The following ACTR3C variants were observed in gnomAD, a reference collection of about 807,000 sequenced individuals.
ACTR3C encodes the protein actin-related protein 3C.
Under a neutral mutation model 26.3 loss-of-function variants are expected in ACTR3C, and 18 were observed. The ratio of observed to expected loss-of-function variants is 0.68; its 90% CI spans 0.47 to 1.01. The LOEUF is 1.01. Among genes scored for constraint, ACTR3C ranks in the 50% least tolerant of loss-of-function variants. The pLI, the probability that ACTR3C is intolerant of heterozygous loss-of-function variation, is 0.00. For missense variants in ACTR3C, 184 were observed against 250.7 expected, an observed-to-expected ratio of 0.73 and a Z score of 1.80; for synonymous variants, 55 against 94.5, an observed-to-expected ratio of 0.58 and a Z score of 2.42.
chr7:150,071,239 T>A, the ACTR3C span, among the ~76,000 whole-genome samples: 1 of 151,938 alleles, frequency 6.6e-6, no homozygotes, highest in Non-Finnish European at 1.5e-5. Flanking sequence ...TTCTCCTGCC[T>A]CAGCCTCCCA....
chr7:149,956,657 A>G, the ACTR3C span, among the ~76,000 whole-genome samples: 1 of 151,950 alleles, frequency 6.6e-6, no homozygotes, highest in Non-Finnish European at 1.5e-5. Flanking sequence ...TTAATCAGAT[A>G]TGGCCCTTTT....
the ACTR3C span, among the ~76,000 whole-genome samples, chr7:150,082,920 T>C: frequency 6.7e-6 from 1 of 149,190 alleles, no homozygotes; most frequent in South Asian, 2.1e-4. Flanking sequence ...TCTAATTCTT[T>C]CTTTCTTTTT....
chr7:150,322,619 C>A (rs930799381), intron 1 of ACTR3C: 3 of 152,256 alleles, frequency 2.0e-5, no homozygotes, highest in Non-Finnish European at 2.9e-5. Context: ...AATAATTCAA[C>A]CCTTGTTTAG....
At chr7:149,940,003 C>T in the ACTR3C span, among the ~76,000 whole-genome samples, 30 of 112,244 alleles carry the variant, frequency 2.7e-4, 1 homozygote, top group Non-Finnish European at 3.8e-4. Context: ...ATACACACCT[C>T]CCCACCCACC....
chr7:150,190,856 C>T, the ACTR3C span, among the ~76,000 whole-genome samples: 202 of 152,238 alleles, frequency 1.3e-3, no homozygotes, highest in African/African-American at 4.7e-3. Context: ...GAAGCAAACA[C>T]GTCCTTCTTC....
the ACTR3C span, among the ~76,000 whole-genome samples, chr7:150,155,045 G>C: frequency 6.6e-6 from 1 of 152,328 alleles, no homozygotes; most frequent in East Asian, 1.9e-4. Context: ...AAATGCATGA[G>C]AGAGGGTCAG....
At chr7:150,132,791 G>A in the ACTR3C span, among the ~76,000 whole-genome samples, 14 of 152,130 alleles carry the variant, frequency 9.2e-5, no homozygotes, top group Admixed American at 2.0e-4. Flanking sequence ...CAAAAGATAC[G>A]TGTATGCATA....
At chr7:150,044,773 C>T in the ACTR3C span, 1 of 152,198 alleles carries the variant, frequency 6.6e-6, no homozygotes, top group Non-Finnish European at 1.5e-5. Context: ...AGGTACAAAG[C>T]CCTAAGGATT....
chr7:149,999,145 A>C, the ACTR3C span, among the ~76,000 whole-genome samples: 3 of 150,916 alleles, frequency 2.0e-5, no homozygotes, highest in Admixed American at 6.7e-5. Flanking sequence ...CCCTGTGGGT[A>C]ACAAATGTGC....
At chr7:149,995,901 G>A in the ACTR3C span, among the ~76,000 whole-genome samples, 3 of 152,244 alleles carry the variant, frequency 2.0e-5, no homozygotes, top group Non-Finnish European at 4.4e-5. Flanking sequence ...GAGGTGGTTC[G>A]AGGCCTGTCT....
chr7:150,179,328 C>T, the ACTR3C span, among the ~76,000 whole-genome samples: 193 of 142,460 alleles, frequency 1.4e-3, 1 homozygote, highest in African/African-American at 5.4e-3. Context: ...ATTTCTCCTT[C>T]AACTGCTCTA....
chr7:150,286,152 T>C (rs942052589), intron 5 of ACTR3C, among the ~76,000 whole-genome samples: 1 of 152,116 alleles, frequency 6.6e-6, no homozygotes, highest in African/African-American at 2.4e-5. Context: ...CTATTTGTGG[T>C]ATAACCCATC....
chr7:150,195,605 G>A, the ACTR3C span, among the ~76,000 whole-genome samples: 2 of 152,238 alleles, frequency 1.3e-5, no homozygotes, highest in African/African-American at 4.8e-5. Flanking sequence ...GGGGCCAGGC[G>A]TGATAGCTCA....
chr7:150,063,114 C>G, the ACTR3C span, among the ~76,000 whole-genome samples: 1 of 146,812 alleles, frequency 6.8e-6, no homozygotes, highest in Admixed American at 6.8e-5. Context: ...TTTTTCCACA[C>G]TTTGAAATTA....
At chr7:150,038,390 T>TG in the ACTR3C span, among the ~76,000 whole-genome samples, 2 of 141,702 alleles carry the variant, frequency 1.4e-5, no homozygotes, top group Non-Finnish European at 3.1e-5. Flanking sequence ...TCAGGTCGGG[T>TG]GGGCTGCCAG....
the ACTR3C span, among the ~76,000 whole-genome samples, chr7:150,185,421 C>A: frequency 9.2e-5 from 14 of 152,038 alleles, 1 homozygote; most frequent in Non-Finnish European, 2.1e-4. Flanking sequence ...TGATTAAAAA[C>A]AGTAACAACA....
At chr7:150,305,620 C>T (rs1795752424) in intron 1 of ACTR3C, among the ~76,000 whole-genome samples, 1 of 152,184 alleles carries the variant, frequency 6.6e-6, no homozygotes. Context: ...GTTTGCAAAT[C>T]CCTTCCGAAG....
chr7:149,886,022 T>C, the ACTR3C span, among the ~76,000 whole-genome samples: 1 of 152,234 alleles, frequency 6.6e-6, no homozygotes, highest in Non-Finnish European at 1.5e-5. Context: ...AGGATAATAT[T>C]AGTAGCACCT....
chr7:150,006,351 C>T, the ACTR3C span, among the ~76,000 whole-genome samples: 1 of 150,910 alleles, frequency 6.6e-6, no homozygotes. Context: ...CACCCGCCAC[C>T]ACGCCTGGCT....
Sources: allele counts gnomAD v4.1 joint callset (sites outside exome capture counted in the v4.1 genomes callset), GRCh38; gene constraint gnomAD v4.1.1; transcripts MANE v1.5; gene names NCBI Gene and HGNC (gene_info 2026-07-23, HGNC 2026-07-21).